The following CFAP54 variants were observed in gnomAD, a reference collection of about 807,000 sequenced individuals.
CFAP54 encodes cilia and flagella associated protein 54.
Under a neutral mutation model 370.4 loss-of-function variants are expected in CFAP54, and 290 were observed. The observed-to-expected ratio is 0.78, with a 90% CI of 0.71 to 0.86. The LOEUF (loss-of-function observed/expected upper bound fraction) is 0.86. Among genes scored for constraint, CFAP54 ranks in the 40% least tolerant of loss-of-function variants. The pLI, the probability that CFAP54 is intolerant of heterozygous loss-of-function variation, is 0.00. For synonymous variants in CFAP54, 1,206 were observed against 1,236.5 expected (o/e 0.98, Z 0.52); for missense variants, 3,399 against 3,528.7 (o/e 0.96, Z 0.93).
chr12:96,664,797 AT>A (rs1957058333), intron 39 of CFAP54, among the ~76,000 whole-genome samples: 1 of 26,964 alleles, frequency 3.7e-5, no homozygotes, highest in African/African-American at 1.7e-4. Flanking sequence ...ATATATATAT[AT>A]ATATATATAT....
chr12:96,700,592 GA>G (rs1171394024), intron 46 of CFAP54, among the ~76,000 whole-genome samples: 4 of 152,076 alleles, frequency 2.6e-5, no homozygotes, highest in African/African-American at 9.7e-5. Flanking sequence ...TTGATTTTAG[GA>G]GATAGTTTTT....
At chr12:96,703,089 T>A (rs1957509035) in intron 46 of CFAP54, among the ~76,000 whole-genome samples, 2 of 152,238 alleles carry the variant, frequency 1.3e-5, no homozygotes, top group Non-Finnish European at 2.9e-5. Flanking sequence ...GGAAAAATTT[T>A]TAAAACACCA....
chr12:96,586,309 G>A (rs910194519), intron 22 of CFAP54, among the ~76,000 whole-genome samples: 10 of 152,122 alleles, frequency 6.6e-5, no homozygotes, highest in Admixed American at 3.3e-4. Flanking sequence ...TCTAAGCAAC[G>A]TGAACAGAAT....
intron 23 of CFAP54, among the ~76,000 whole-genome samples, chr12:96,590,564 TC>T (rs1413932828): frequency 2.0e-5 from 3 of 152,186 alleles, no homozygotes; most frequent in African/African-American, 7.2e-5. Flanking sequence ...ATAATTCCAT[TC>T]AAATAAACAA....
intron 14 of CFAP54, among the ~76,000 whole-genome samples, chr12:96,545,331 G>A (rs113840202): frequency 3.9e-5 from 6 of 152,126 alleles, no homozygotes; most frequent in Admixed American, 1.3e-4. Flanking sequence ...AACCACCATG[G>A]CACGTGTATA....
intron 2 of CFAP54, among the ~76,000 whole-genome samples, chr12:96,502,546 CAAGTT>C: frequency 6.6e-6 from 1 of 151,748 alleles, no homozygotes. Flanking sequence ...TTATATGACT[CAAGTT>C]AGAGCAGAAA....
intron 4 of CFAP54, among the ~76,000 whole-genome samples, chr12:96,507,709 G>A (rs1955122947): frequency 1.3e-5 from 2 of 152,182 alleles, no homozygotes; most frequent in Non-Finnish European, 2.9e-5. Context: ...TTGACAGTGT[G>A]TTCGATGTGC....
intron 58 of CFAP54, among the ~76,000 whole-genome samples, chr12:96,760,884 G>A (rs1386654124): frequency 6.6e-6 from 1 of 151,764 alleles, no homozygotes; most frequent in Non-Finnish European, 1.5e-5. Flanking sequence ...CATTTGAATT[G>A]TTTTCACTTT....
chr12:96,806,959 A>C (rs189440922), intron 63 of CFAP54, among the ~76,000 whole-genome samples: 2 of 152,302 alleles, frequency 1.3e-5, no homozygotes, highest in Admixed American at 1.3e-4. Context: ...ACTGAGTCAG[A>C]ATATGCATTT....
In CFAP54 at chr12:96,612,250, A is replaced by G. The variant is rs1565914010; in HGVS notation, c.3640-9340A>G. Among the ~76,000 whole-genome samples, 3 of 152,240 alleles carry G rather than the reference A, an allele frequency of 2.0e-5. No individual in the cohort carries two copies. In the South Asian group the frequency reaches 6.2e-4, roughly 32 times the overall value. On this transcript the variant is annotated intron_variant, in intron 26 of 67. Coordinates refer to ENST00000524981, the MANE Select transcript of CFAP54 (RefSeq NM_001306084.2). ...GCCAATATTCAACATTCTTAAAGAA[A>G]AGAATTTTAAACCTAGAATTTCATA... is the stretch of plus-strand genomic sequence containing the variant.
At chr12:96,687,990 G>A (rs986662419) in intron 42 of CFAP54, among the ~76,000 whole-genome samples, 1 of 152,128 alleles carries the variant, frequency 6.6e-6, no homozygotes, top group Admixed American at 6.5e-5. Context: ...CGGGGGCTTT[G>A]GCTGTTTTCC....
intron 3 of CFAP54, among the ~76,000 whole-genome samples, chr12:96,505,412 T>G (rs1448158830): frequency 2.6e-5 from 4 of 152,158 alleles, no homozygotes; most frequent in African/African-American, 9.7e-5. Context: ...ACCCATTGAC[T>G]TTGCCTTTTG....
intron 55 of CFAP54, among the ~76,000 whole-genome samples, chr12:96,750,436 C>G (rs1565964501): frequency 6.6e-6 from 1 of 152,204 alleles, no homozygotes; most frequent in Non-Finnish European, 1.5e-5. Context: ...TATTATTGAT[C>G]ATTGTTATAT....
At chr12:96,647,171 T>G (rs1209126051) in intron 33 of CFAP54, 1 of 151,910 alleles carries the variant, frequency 6.6e-6, no homozygotes, top group Non-Finnish European at 1.5e-5. Context: ...TGCCTAGACC[T>G]TATTTTAAAA....
chr12:96,780,645 G>C (rs576075800), intron 60 of CFAP54, among the ~76,000 whole-genome samples: 1 of 152,282 alleles, frequency 6.6e-6, no homozygotes, highest in African/African-American at 2.4e-5. Context: ...ACAGCGATCA[G>C]TTCAAGTTGA....
chr12:96,657,660 G>C (rs191826502), intron 36 of CFAP54, among the ~76,000 whole-genome samples: 2 of 152,312 alleles, frequency 1.3e-5, no homozygotes, highest in Non-Finnish European at 2.9e-5. Flanking sequence ...TATAGGGAAC[G>C]ATAATGAACA....
chr12:96,855,934 G>A (rs1959693157), intron 66 of CFAP54, among the ~76,000 whole-genome samples: 1 of 152,214 alleles, frequency 6.6e-6, no homozygotes, highest in South Asian at 2.1e-4. Context: ...GGCCCTGTCT[G>A]CAACATACTT....
intron 32 of CFAP54, 81 bp from the exon 33 acceptor site, chr12:96,644,096 TA>T (rs1956763825): frequency 1.1e-6 from 1 of 930,386 alleles, no homozygotes; most frequent in Non-Finnish European, 1.6e-6. Context: ...ATTGATGTAT[TA>T]TTTCCAAATT....
At chr12:96,658,381 G>A in intron 38 of CFAP54, 35 bp downstream of exon 38, 1 of 1,607,224 alleles carries the variant, frequency 6.2e-7, no homozygotes, top group Non-Finnish European at 8.5e-7. Context: ...TCATGCTGTT[G>A]TGATTTCTAA....
Sources: gnomAD v4.1 joint callset for allele counts (sites outside exome capture counted in the v4.1 genomes callset) on GRCh38, gnomAD v4.1.1 for gene constraint, MANE v1.5 for transcripts, NCBI Gene and HGNC (gene_info 2026-07-23, HGNC 2026-07-21) for gene names.